RPRD2: variants seen among roughly 807,000 people sequenced by gnomAD.
RPRD2 encodes regulation of nuclear pre-mRNA domain-containing protein 2.
A neutral mutation model predicts 104.4 loss-of-function variants in RPRD2; 12 were observed. The observed-to-expected ratio is 0.11, with a 90% CI of 0.07 to 0.19. RPRD2 has a LOEUF of 0.19. RPRD2 is among the 10% of genes least tolerant of loss of function. The probability of loss-of-function intolerance (pLI) is 1.00; values close to 1 mark genes in which losing one functional copy is unlikely to be tolerated. For synonymous variants in RPRD2, 714 were observed against 684.9 expected, an observed-to-expected ratio of 1.04 and a Z score of -0.66; for missense variants, 1,543 against 1,790.1, an observed-to-expected ratio of 0.86 and a Z score of 2.49.
At position 150,472,546 on chromosome 1, in the gene RPRD2, G is replaced by A; in HGVS notation, c.3598G>A (p.Glu1200Lys). 6.2e-7 allele frequency: 1 copy of A among 1,613,918 alleles called. No homozygotes were observed. The highest frequency in any genetic ancestry group is 2.2e-5 in the East Asian group (1 of 44,876). Reference protein sequence around the residue: ...FEHHLPPSPLEHGTPFQREPV... With the variant: ...FEHHLPPSPLKHGTPFQREPV... ...GCATCATCTTCCCCCATCCCCCTTG[G>A]AACATGGGACACCCTTCCAGAGAGA... The change falls in exon 11 of 11, where the codon GAA becomes AAA. Residue 1200 changes from glutamate (E) to lysine (K), a missense_variant. Glu to Lys is a moderately conservative substitution (Grantham distance 56). Coordinates refer to ENST00000369068, the MANE Select transcript of RPRD2 (RefSeq NM_015203.5).
intron 1 of RPRD2, among the ~76,000 whole-genome samples, chr1:150,410,569 C>T (rs1366506953): frequency 6.6e-6 from 1 of 152,210 alleles, no homozygotes; most frequent in Admixed American, 6.5e-5. Context: ...ACTTTCCACT[C>T]AGATTCCCAT....
At chr1:150,383,630 T>G (rs1553881243) in intron 1 of RPRD2, among the ~76,000 whole-genome samples, 1 of 152,174 alleles carries the variant, frequency 6.6e-6, no homozygotes, top group African/African-American at 2.4e-5. Flanking sequence ...GAAGAGATTT[T>G]AAAAGGACAT....
intron 5 of RPRD2, 92 bp downstream of exon 5, chr1:150,443,375 T>C: frequency 1.1e-6 from 1 of 900,948 alleles, no homozygotes; most frequent in Non-Finnish European, 1.7e-6. Flanking sequence ...TTATCTGTAT[T>C]CAATTACACA....
intron 6 of RPRD2, among the ~76,000 whole-genome samples, chr1:150,445,488 A>G (rs1553895339): frequency 6.6e-6 from 1 of 152,200 alleles, no homozygotes; most frequent in African/African-American, 2.4e-5. Context: ...TACTTTTCTG[A>G]ACGTTACTTT....
chr1:150,366,106 T>C (rs1572326803), intron 1 of RPRD2, among the ~76,000 whole-genome samples: 1 of 152,226 alleles, frequency 6.6e-6, no homozygotes, highest in East Asian at 1.9e-4. Flanking sequence ...TCAAATCTTA[T>C]AGGAGGAAGT....
intron 8 of RPRD2, among the ~76,000 whole-genome samples, chr1:150,459,811 C>G (rs1667802779): frequency 6.6e-6 from 1 of 152,012 alleles, no homozygotes; most frequent in African/African-American, 2.4e-5. Context: ...CCAGGCTGGT[C>G]TCGAAATCCT....
chr1:150,426,727 G>A (rs1238363067), intron 2 of RPRD2, among the ~76,000 whole-genome samples: 1 of 152,212 alleles, frequency 6.6e-6, no homozygotes, highest in African/African-American at 2.4e-5. Flanking sequence ...GCAGGGAATG[G>A]GGAGTTATTG....
At position 150,410,539 on chromosome 1, in the gene RPRD2, A is replaced by G. The variant is rs587745566; in HGVS notation, c.206-7057A>G. On this transcript the variant is annotated intron_variant, in intron 1 of 10. Transcript: ENST00000369068. Reference sequence around the variant, plus strand: ...CAGATGTTAAAAAAGTTTCAAGAGTATTACAGAAACCTTCTGTGTACTTTC... The same window carrying G: ...CAGATGTTAAAAAAGTTTCAAGAGTGTTACAGAAACCTTCTGTGTACTTTC... 4.8e-4 allele frequency among the ~76,000 whole-genome samples: 73 copies of G among 152,314 alleles called. 1 individual carries two copies. The highest frequency in any genetic ancestry group is 3.3e-3 in the South Asian group (16 of 4,830).
chr1:150,425,516 A>G (rs1192727953), intron 2 of RPRD2, among the ~76,000 whole-genome samples: 1 of 151,748 alleles, frequency 6.6e-6, no homozygotes, highest in African/African-American at 2.4e-5. Context: ...GGTGGCGCAT[A>G]CCTATAATCC....
At chr1:150,409,647 CTTTTTTTTTTT>C (rs10684353) in intron 1 of RPRD2, among the ~76,000 whole-genome samples, 1 of 114,612 alleles carries the variant, frequency 8.7e-6, no homozygotes, top group Non-Finnish European at 1.7e-5. Flanking sequence ...TGTTGCAATT[CTTTTTTTTTTT>C]TTTTTTTTGA....
At chr1:150,459,072 AT>A (rs1667742652) in intron 8 of RPRD2, among the ~76,000 whole-genome samples, 1 of 152,170 alleles carries the variant, frequency 6.6e-6, no homozygotes, top group Admixed American at 6.5e-5. Flanking sequence ...GGAATTCCTT[AT>A]TCTCTGTCAC....
chr1:150,442,142 A>AAG (rs1666451088), intron 4 of RPRD2, among the ~76,000 whole-genome samples, 184 bp downstream of exon 4: 1 of 147,532 alleles, frequency 6.8e-6, no homozygotes, highest in African/African-American at 2.5e-5. Flanking sequence ...AAAAAAAAAA[A>AAG]GCAAACAAAA....
At chr1:150,403,938 C>G (rs1398550547) in intron 1 of RPRD2, among the ~76,000 whole-genome samples, 2 of 151,994 alleles carry the variant, frequency 1.3e-5, no homozygotes. Flanking sequence ...CACCTGGCCT[C>G]TTTTACCCAA....
Position 150,373,065 on chromosome 1 carries a change from G to C in RPRD2, c.205+8146G>C, listed in dbSNP as rs587724009. Among the ~76,000 whole-genome samples the C allele has an allele frequency of 6.6e-5, 10 of 151,842 alleles. No homozygotes were observed. In the South Asian group the frequency reaches 1.9e-3, roughly 28 times the overall value. On this transcript the variant is annotated intron_variant, in intron 1 of 10. Coordinates refer to ENST00000369068, the MANE Select transcript of RPRD2 (RefSeq NM_015203.5). Reference sequence around the variant, plus strand: ...ATTTTGCTCTGTTGCTCAGGCTGGAGTGCAATGGCACCATCTCGGCTCACT... The same window carrying C: ...ATTTTGCTCTGTTGCTCAGGCTGGACTGCAATGGCACCATCTCGGCTCACT...
At chr1:150,374,292 C>G (rs1201313934) in intron 1 of RPRD2, among the ~76,000 whole-genome samples, 2 of 152,178 alleles carry the variant, frequency 1.3e-5, no homozygotes, top group African/African-American at 4.8e-5. Context: ...GGTTGGCATG[C>G]CCAGAAAGAA....
intron 1 of RPRD2, among the ~76,000 whole-genome samples, chr1:150,399,756 CAAA>C: frequency 7.9e-6 from 1 of 127,032 alleles, no homozygotes; most frequent in African/African-American, 3.2e-5. Context: ...GACCCCATCT[CAAA>C]AAAAAAAAAA....
rs899126185 is a variant in RPRD2 at position 150,460,161 on chromosome 1, G to A, written c.1255G>A (p.Val419Met). The change falls in exon 9 of 11, where the codon GTG becomes ATG. Residue 419 changes from valine (V) to methionine (M), a missense_variant. Val to Met is a conservative substitution (Grantham distance 21). This residue lies in a region of RPRD2 where 572 missense variants were observed against 787.3 expected (regional missense o/e 0.73). Transcript: ENST00000369068. ...CTCAAAGGCCTCTTCATGTACCCCA[G>A]TGCCTGTGACCATGACAGCAACTCC... Reference protein sequence around the residue: ...NISKASSCTPVPVTMTATPPL... With the variant: ...NISKASSCTPMPVTMTATPPL... 2 of 1,613,816 alleles carry A rather than the reference G, an allele frequency of 1.2e-6. No homozygotes were observed. The highest frequency in any genetic ancestry group is 1.3e-5 in the African/African-American group (1 of 74,892).
intron 2 of RPRD2, among the ~76,000 whole-genome samples, chr1:150,422,268 C>G (rs782561738): frequency 6.7e-6 from 1 of 148,358 alleles, no homozygotes; most frequent in Non-Finnish European, 1.5e-5. Context: ...GGCATGAACC[C>G]GGGAAGCAGA....
intron 2 of RPRD2, among the ~76,000 whole-genome samples, chr1:150,433,940 CAG>C (rs1665825124): frequency 1.4e-5 from 2 of 147,102 alleles, no homozygotes; most frequent in Admixed American, 6.8e-5. Context: ...CACACACACA[CAG>C]AGGCATATAA....
Sources: allele counts gnomAD v4.1 joint callset (sites outside exome capture counted in the v4.1 genomes callset), GRCh38; gene constraint gnomAD v4.1.1; regional missense constraint gnomAD v4.1.1; transcripts MANE v1.5; gene names NCBI Gene and HGNC (gene_info 2026-07-23, HGNC 2026-07-21).